Variants in TRMT6 observed in about 807,000 individuals in gnomAD.
The protein encoded by TRMT6 is tRNA (adenine(58)-N(1))-methyltransferase non-catalytic subunit TRM6.
TRMT6 carries 34 observed loss-of-function variants against 59.0 expected under a neutral mutation model. The observed-to-expected ratio is 0.58, with a 90% CI of 0.44 to 0.77. The LOEUF is 0.77. Ranked by LOEUF, TRMT6 falls within the 30% of genes least tolerant of loss-of-function variation. The pLI is 0.00. For missense variants in TRMT6, 575 were observed against 604.5 expected (o/e 0.95, Z 0.51); for synonymous variants, 217 against 210.5 (o/e 1.03, Z -0.27).
chr20:5,942,821 G>A (rs746513247), intron 6 of TRMT6, 35 bp from the exon 7 acceptor site: 6 of 1,547,024 alleles, frequency 3.9e-6, no homozygotes, highest in African/African-American at 1.4e-5. Context: ...TCTGCCCGTG[G>A]AGTGACTCTA....
At position 5,938,343 on chromosome 20, in the gene TRMT6, T is replaced by C; in HGVS notation, c.*192A>G. On this transcript the variant is annotated 3_prime_UTR_variant, in exon 11 of 11. Coordinates refer to ENST00000203001, the MANE Select transcript of TRMT6 (RefSeq NM_015939.5). ...GTTGGTCATACTACATACCCCATGGTTGCAGTTTTGACAGACCAAATGCAT... is the reference window on the plus strand; with the variant it reads ...GTTGGTCATACTACATACCCCATGGCTGCAGTTTTGACAGACCAAATGCAT... 3.6e-6 allele frequency: 2 copies of C among 562,544 alleles called. No homozygotes were observed. Among genetic ancestry groups the C allele is most frequent in the Admixed American group, 3.1e-5 (1 of 31,904 alleles). The allele number at this position is 562,544 out of a possible 1,614,324, so 34.8% of individuals were successfully genotyped here.
rs1429339639 is a variant in TRMT6, at chr20:5,937,998, G to A, written c.*537C>T. On this transcript the variant is annotated 3_prime_UTR_variant, in exon 11 of 11. Transcript: ENST00000203001. ...AAATAAATACTCAGAACTTTCCCAG[G>A]TTGTCAACTATTAAAATAAAACCTC... 6.6e-6 allele frequency: 1 copy of A among 152,170 alleles called. No individual in the cohort carries two copies. 9.4% of individuals were successfully genotyped at this position (152,170 alleles called of 1,614,324 possible).
At chr20:5,945,279 C>G (rs1300809969) in intron 2 of TRMT6, among the ~76,000 whole-genome samples, 1 of 152,218 alleles carries the variant, frequency 6.6e-6, no homozygotes, top group African/African-American at 2.4e-5. Context: ...CTGGCCTGAT[C>G]TCTTGACACT....
At chr20:5,939,023 G>A (rs1381551487) in intron 10 of TRMT6, among the ~76,000 whole-genome samples, 2 of 151,400 alleles carry the variant, frequency 1.3e-5, no homozygotes, top group Non-Finnish European at 2.9e-5. Context: ...CTGTAACCTC[G>A]AACTCCTGGC....
At chr20:5,939,130 TTTC>T (rs2088634525) in intron 10 of TRMT6, among the ~76,000 whole-genome samples, 1 of 152,164 alleles carries the variant, frequency 6.6e-6, no homozygotes, top group Non-Finnish European at 1.5e-5. Flanking sequence ...TAAGGACTAA[TTTC>T]TTCACATTAC....
intron 10 of TRMT6, among the ~76,000 whole-genome samples, chr20:5,940,227 ATCTT>A (rs2088644297): frequency 6.6e-6 from 1 of 151,946 alleles, no homozygotes; most frequent in Admixed American, 6.5e-5. Context: ...CTCTCCCCTT[ATCTT>A]TCTAAGGCAT....
Position 5,938,513 on chromosome 20 carries a change from T to C in TRMT6, c.*22A>G, listed in dbSNP as rs927322762. On this transcript the variant is annotated 3_prime_UTR_variant, in exon 11 of 11. Coordinates refer to ENST00000203001, the MANE Select transcript of TRMT6 (RefSeq NM_015939.5). ...AACTGTATAATGCCTGAGAACAAAATTCAGAGCAATTCTCAAAAGGGTTAA... is the reference window on the plus strand; with the variant it reads ...AACTGTATAATGCCTGAGAACAAAACTCAGAGCAATTCTCAAAAGGGTTAA... 3.1e-6 allele frequency: 5 copies of C among 1,601,354 alleles called. No individual in the cohort carries two copies. Among genetic ancestry groups the C allele is most frequent in the Non-Finnish European group, 4.3e-6 (5 of 1,173,064 alleles).
rs561233318 is a variant in TRMT6 at position 5,938,194 on chromosome 20, C to T, written c.*341G>A. ...TTCGGTACCCGCCATGTTTTAGTTA[C>T]GTTGTATTATTCCACTTAGCTTAAA... On this transcript the variant is annotated 3_prime_UTR_variant, in exon 11 of 11. Transcript: ENST00000203001. 9 of 183,516 alleles carry T rather than the reference C, an allele frequency of 4.9e-5. No homozygotes were observed. The highest frequency in any genetic ancestry group is 1.8e-4 in the South Asian group (1 of 5,658). The allele number at this position is 183,516 out of a possible 1,614,324, so 11.4% of individuals were successfully genotyped here.
Position 5,950,509 on chromosome 20 carries a change from G to A in TRMT6, c.-104C>T, listed in dbSNP as rs923243702. 5.4e-5 allele frequency: 70 copies of A among 1,302,168 alleles called. No individual in the cohort carries two copies. The African/African-American group carries it at 8.2e-4, about 15-fold the overall frequency. The allele number at this position is 1,302,168 out of a possible 1,614,324, so 80.7% of individuals were successfully genotyped here. On this transcript the variant is annotated 5_prime_UTR_variant, in exon 1 of 11. Transcript: ENST00000203001. Reference sequence around the variant, plus strand: ...CAACCTGGCGCACTAGGAGCCCTCCGACCGGCACCGCCCCCACGTGTTGCA... The same window carrying A: ...CAACCTGGCGCACTAGGAGCCCTCCAACCGGCACCGCCCCCACGTGTTGCA...
At chr20:5,948,615 G>A (rs969907502) in intron 1 of TRMT6, among the ~76,000 whole-genome samples, 2 of 151,930 alleles carry the variant, frequency 1.3e-5, no homozygotes, top group East Asian at 1.9e-4. Context: ...TGAGGTGGCC[G>A]GAATTACTTG....
Position 5,946,530 on chromosome 20 carries a change from T to C in TRMT6, c.132A>G (p.Lys44=). ...FKAVQVQRRK[K]VTFEKQWFYL... is the part of the protein sequence containing the mutation. ...AGAACCACTGTTTTTCGAAAGTTAC[T>C]TTTCTAGGGAAAAAAAGTAATCAAT... is the stretch of plus-strand genomic sequence containing the variant. Residue 44 remains lysine (K), a synonymous_variant, in exon 2 of 11, where the codon AAA becomes AAG. Coordinates refer to ENST00000203001, the MANE Select transcript of TRMT6 (RefSeq NM_015939.5). 1.2e-6 allele frequency: 2 copies of C among 1,614,014 alleles called. No homozygotes were observed. Among genetic ancestry groups the C allele is most frequent in the Non-Finnish European group, 8.5e-7 (1 of 1,179,918 alleles).
At chr20:5,945,975 A>G (rs977523813) in intron 2 of TRMT6, among the ~76,000 whole-genome samples, 6 of 152,168 alleles carry the variant, frequency 3.9e-5, no homozygotes, top group African/African-American at 1.4e-4. Flanking sequence ...AGGATATAAG[A>G]CTCACAGAAA....
chr20:5,946,445 T>C lies in TRMT6; in HGVS notation c.217A>G (p.Ser73Gly). 1.2e-6 allele frequency: 2 copies of C among 1,614,168 alleles called. No homozygotes were observed. The highest frequency in any genetic ancestry group is 1.7e-6 in the Non-Finnish European group (2 of 1,180,020). ...GTAFEVTSGG[S>G]LQPKKKREEP... is the part of the protein sequence containing the mutation. The stretch of plus-strand genomic sequence containing the variant: ...TCCCTCTTCTTCTTGGGCTGTAGAC[T>C]TCCTCCACTGGTCACTTCAAATGCA... Residue 73 changes from serine (S) to glycine (G), a missense_variant, in exon 2 of 11, where the codon AGT becomes GGT. Transcript: ENST00000203001.
chr20:5,942,701 G>A lies in TRMT6; in HGVS notation c.753C>T (p.Leu251=). ...TACFGFPKSF[L]SGLYEFPLNK... ...TGAGAGGGAATTCATAAAGACCACT[G>A]AGAAAAGATTTGGGAAATCCAAAAC... Residue 251 remains leucine, a synonymous_variant, in exon 7 of 11, where the codon CTC becomes CTT. Transcript: ENST00000203001. 1.9e-6 allele frequency: 3 copies of A among 1,614,144 alleles called. No individual in the cohort carries two copies. Among genetic ancestry groups the A allele is most frequent in the Non-Finnish European group, 2.5e-6 (3 of 1,180,022 alleles).
chr20:5,942,932 A>T, intron 6 of TRMT6, 146 bp from the exon 7 acceptor site: 1 of 677,350 alleles, frequency 1.5e-6, no homozygotes, highest in South Asian at 1.8e-5. Flanking sequence ...CTCCTCAGGG[A>T]GTCTGTTTGG....
At chr20:5,944,137 G>T in intron 4 of TRMT6, 25 bp downstream of exon 4, 1 of 1,370,278 alleles carries the variant, frequency 7.3e-7, no homozygotes, top group Non-Finnish European at 9.9e-7. Context: ...AATATTGTGG[G>T]CCTTTTAAAA....
chr20:5,949,198 CAA>C (rs59540636), intron 1 of TRMT6, among the ~76,000 whole-genome samples: 16 of 107,354 alleles, frequency 1.5e-4, no homozygotes, highest in Admixed American at 1.9e-4. Context: ...ACTAAAAATA[CAA>C]AAAAAAAAAA....
chr20:5,940,483 A>G (rs989853035), intron 10 of TRMT6, among the ~76,000 whole-genome samples: 1 of 152,242 alleles, frequency 6.6e-6, no homozygotes, highest in Non-Finnish European at 1.5e-5. Flanking sequence ...AAATGCCTTT[A>G]GGGCAGAGTT....
chr20:5,938,867 T>TTCCCTCCC, intron 10 of TRMT6, 141 bp from the exon 11 acceptor site: 1 of 716,276 alleles, frequency 1.4e-6, no homozygotes, highest in Non-Finnish European at 2.2e-6. Flanking sequence ...TTCTTTTCTT[T>TTCCCTCCC]TCCCTCCCTC....
Sources: allele counts gnomAD v4.1 joint callset (sites outside exome capture counted in the v4.1 genomes callset), GRCh38; gene constraint gnomAD v4.1.1; transcripts MANE v1.5; gene names NCBI Gene and HGNC (gene_info 2026-07-23, HGNC 2026-07-21).